Variants in SCN7A observed in about 807,000 individuals in gnomAD.
SCN7A encodes sodium channel protein type 7 subunit alpha.
A neutral mutation model predicts 155.2 loss-of-function variants in SCN7A; 138 were observed. The observed-to-expected ratio is 0.89, with a 90% CI of 0.77 to 1.02. The LOEUF (loss-of-function observed/expected upper bound fraction) is 1.02. Among genes scored for constraint, SCN7A ranks in the 50% least tolerant of loss-of-function variants. The pLI, the probability that SCN7A is intolerant of heterozygous loss-of-function variation, is 0.00. For missense variants in SCN7A, 2,058 were observed against 1,986.6 expected (o/e 1.04, Z -0.68); for synonymous variants, 693 against 649.0 (o/e 1.07, Z -1.03).
At chr2:166,489,935 A>C (rs961806697) in intron 1 of SCN7A, among the ~76,000 whole-genome samples, 1 of 152,024 alleles carries the variant, frequency 6.6e-6, no homozygotes, top group African/African-American at 2.4e-5. Flanking sequence ...TTTAAAAAAT[A>C]TTTTGTCTCT....
At chr2:166,489,042 A>G (rs1046215185) in intron 1 of SCN7A, among the ~76,000 whole-genome samples, 2 of 152,230 alleles carry the variant, frequency 1.3e-5, no homozygotes, top group Admixed American at 6.5e-5. Context: ...GATGTTTATC[A>G]TAACATAATA....
Position 166,463,763 on chromosome 2 carries a change from C to T in SCN7A, c.942-1233G>A, listed in dbSNP as rs936619479. On this transcript the variant is annotated intron_variant, in intron 9 of 25. Transcript: ENST00000643258. ...CAGGAGCTGGGCAAAAAAATATGTA[C>T]TGAGGCCAGGCGCAGGGTGCATTGG... Among the ~76,000 whole-genome samples the T allele has an allele frequency of 2.0e-5, 3 of 152,128 alleles. No homozygotes were observed. In the East Asian group the frequency reaches 5.8e-4, roughly 29 times the overall value.
At chr2:166,409,605 G>GT in intron 25 of SCN7A, 60 bp downstream of exon 25, 1 of 1,249,960 alleles carries the variant, frequency 8.0e-7, no homozygotes, top group Non-Finnish European at 1.1e-6. Flanking sequence ...CATATTTACT[G>GT]TAAGAGCTTA....
Position 166,409,850 on chromosome 2 carries a change from A to G in SCN7A, c.3797T>C (p.Ile1266Thr), listed in dbSNP as rs141677829. The part of the protein sequence containing the change: ...IVMVLICFQA[I>T]AMMIDTDVQS... ...AACATCAGTGTCTATCATCATGGCTATTGCTTGGAAACATATAAGAACCAT... is the reference window on the plus strand; with the variant it reads ...AACATCAGTGTCTATCATCATGGCTGTTGCTTGGAAACATATAAGAACCAT... Residue 1266 changes from isoleucine to threonine, a missense_variant, in exon 25 of 26, where the codon ATA becomes ACA. Coordinates refer to ENST00000643258, the MANE Select transcript of SCN7A (RefSeq NM_002976.4). The G allele has an allele frequency of 5.7e-6, 9 of 1,570,490 alleles. No homozygotes were observed. The Admixed American group carries it at 1.7e-4, about 29-fold the overall frequency.
In SCN7A at chr2:166,455,559, G is replaced by A. The variant is rs556156212; in HGVS notation, c.1290+1311C>T. On this transcript the variant is annotated intron_variant, in intron 11 of 25. Transcript: ENST00000643258. ...GGGACTACTAGAGGGGGAAGAGAAG[G>A]GGAAGGGCAAGGGCTGAAAAACTGC... 9.9e-5 allele frequency among the ~76,000 whole-genome samples: 15 copies of A among 152,190 alleles called. No individual in the cohort carries two copies. The East Asian group carries it at 2.1e-3, about 22-fold the overall frequency.
intron 2 of SCN7A, among the ~76,000 whole-genome samples, chr2:166,484,351 T>C (rs1420496341): frequency 6.6e-6 from 1 of 151,920 alleles, no homozygotes; most frequent in Non-Finnish European, 1.5e-5. Flanking sequence ...TGTATGTATG[T>C]GTACATGTTT....
intron 11 of SCN7A, 58 bp downstream of exon 11, chr2:166,456,809 TATA>T: frequency 4.6e-6 from 1 of 215,568 alleles, no homozygotes; most frequent in Non-Finnish European, 7.1e-6. Flanking sequence ...CTAAAATATA[TATA>T]TATATATATA....
At chr2:166,492,706 T>C (rs890937509) in intron 1 of SCN7A, among the ~76,000 whole-genome samples, 3 of 152,216 alleles carry the variant, frequency 2.0e-5, no homozygotes, top group African/African-American at 7.2e-5. Flanking sequence ...TGTATGCTTA[T>C]ATTGAATCAG....
At chr2:166,474,189 C>A in intron 4 of SCN7A, 37 bp downstream of exon 4, 1 of 959,900 alleles carries the variant, frequency 1.0e-6, no homozygotes, top group South Asian at 1.9e-5. Flanking sequence ...TTAATGTCAG[C>A]ACAGTTTAAA....
intron 23 of SCN7A, among the ~76,000 whole-genome samples, chr2:166,411,042 G>T (rs1701192528): frequency 6.6e-6 from 1 of 151,962 alleles, no homozygotes; most frequent in Non-Finnish European, 1.5e-5. Flanking sequence ...TTCGTAGAAA[G>T]CTGAAGCATC....
intron 15 of SCN7A, among the ~76,000 whole-genome samples, chr2:166,439,374 TG>T (rs1182988165): frequency 6.6e-6 from 1 of 151,988 alleles, no homozygotes; most frequent in Non-Finnish European, 1.5e-5. Flanking sequence ...AAATCAACTG[TG>T]GCTTCTAGAA....
chr2:166,449,653 C>T (rs1702137610), intron 11 of SCN7A, among the ~76,000 whole-genome samples: 1 of 152,010 alleles, frequency 6.6e-6, no homozygotes, highest in African/African-American at 2.4e-5. Context: ...ACAGACACTT[C>T]CCCAAAGAAG....
chr2:166,470,765 G>T, intron 6 of SCN7A, 59 bp from the exon 7 acceptor site: 1 of 1,414,420 alleles, frequency 7.1e-7, no homozygotes, highest in Non-Finnish European at 9.5e-7. Flanking sequence ...ACTTATTCTT[G>T]GCTTTTTATG....
chr2:166,470,431 C>T lies in SCN7A; in HGVS notation c.664+184G>A, dbSNP rs183960693. On this transcript the variant is annotated intron_variant, in intron 7 of 25. Coordinates refer to ENST00000643258, the MANE Select transcript of SCN7A (RefSeq NM_002976.4). Reference sequence around the variant, plus strand: ...AATTGAGCCTACACCAAATAAATAACAGTCAATGTACGTTTTTTCTTCTCT... The same window carrying T: ...AATTGAGCCTACACCAAATAAATAATAGTCAATGTACGTTTTTTCTTCTCT... Among the ~76,000 whole-genome samples, 13 of 151,818 alleles carry T rather than the reference C, an allele frequency of 8.6e-5. No homozygotes were observed. The East Asian group carries it at 1.9e-3, about 23-fold the overall frequency.
intron 21 of SCN7A, among the ~76,000 whole-genome samples, chr2:166,413,996 T>TATAC (rs1367736017): frequency 2.0e-5 from 2 of 100,466 alleles, no homozygotes; most frequent in East Asian, 4.8e-4. Context: ...TATATATATA[T>TATAC]ATATATAAAT....
chr2:166,439,041 A>ATGTGTG (rs201282077), intron 15 of SCN7A, among the ~76,000 whole-genome samples: 6,649 of 122,712 alleles, frequency 0.054, 259 homozygotes, highest in South Asian at 0.076. Flanking sequence ...ACATACATAT[A>ATGTGTG]TGTGTGTGTG....
At chr2:166,417,747 G>A (rs1701411326) in intron 20 of SCN7A, among the ~76,000 whole-genome samples, 1 of 151,072 alleles carries the variant, frequency 6.6e-6, no homozygotes, top group Non-Finnish European at 1.5e-5. Flanking sequence ...AGTAGTTAGG[G>A]GAATCAGAAG....
At chr2:166,482,008 C>T (rs1422841276) in intron 2 of SCN7A, among the ~76,000 whole-genome samples, 1 of 152,084 alleles carries the variant, frequency 6.6e-6, no homozygotes, top group Non-Finnish European at 1.5e-5. Flanking sequence ...TGTGGACGCA[C>T]ATACTCCTTT....
Position 166,404,092 on chromosome 2 carries a change from AC to A in SCN7A, c.*1487del, listed in dbSNP as rs1473247246. The A allele has an allele frequency of 4.6e-5, 7 of 151,966 alleles. No homozygotes were observed. The highest frequency in any genetic ancestry group is 1.4e-4 in the African/African-American group (6 of 41,432). 9.4% of individuals were successfully genotyped at this position (151,966 alleles called of 1,614,324 possible). ...TTCAGAATAAAATACAATCACTGAT[AC>A]ATAAACTATATTGAATGTTATACAA... On this transcript the variant is annotated 3_prime_UTR_variant, in exon 26 of 26. Coordinates refer to ENST00000643258, the MANE Select transcript of SCN7A (RefSeq NM_002976.4).
Sources: gnomAD v4.1 joint callset for allele counts (sites outside exome capture counted in the v4.1 genomes callset) on GRCh38, gnomAD v4.1.1 for gene constraint, MANE v1.5 for transcripts, NCBI Gene and HGNC (gene_info 2026-07-23, HGNC 2026-07-21) for gene names.